Variants in LMBRD1 observed in about 807,000 individuals in gnomAD.
LMBRD1 encodes the protein LMBR1 domain containing 1.
LMBRD1 carries 64 observed loss-of-function variants against 74.8 expected under a neutral mutation model. That is an observed-to-expected ratio of 0.86 (90% CI 0.70 to 1.05). The LOEUF (loss-of-function observed/expected upper bound fraction) is 1.05. LMBRD1 is among the 50% of genes least tolerant of loss of function. LMBRD1 has a pLI of 0.00. For missense variants in LMBRD1, 652 were observed against 645.9 expected, an observed-to-expected ratio of 1.01 and a Z score of -0.10; for synonymous variants, 204 against 216.3, an observed-to-expected ratio of 0.94 and a Z score of 0.50.
At chr6:69,697,518 T>C (rs1766028695) in intron 14 of LMBRD1, 45 bp downstream of exon 14, 1 of 1,287,802 alleles carries the variant, frequency 7.8e-7, no homozygotes, top group African/African-American at 1.5e-5. Flanking sequence ...TGCCAGGAAA[T>C]TCTTTTCCTA....
chr6:69,752,260 G>A lies in LMBRD1; in HGVS notation c.404C>T (p.Thr135Ile), dbSNP rs1765173572. Reference protein sequence around the residue: ...EKDDDDTSKCTQIKTALKYTL... With the variant: ...EKDDDDTSKCIQIKTALKYTL... ...GGCCTCTAAAATAAAGATACTTACA[G>A]TACATTTACTAGTATCATCATCATC... Residue 135 changes from threonine to isoleucine, a missense_variant and splice_region_variant, in exon 4 of 16, where the codon ACT (threonine) becomes ATT (isoleucine). Transcript: ENST00000649934. 8.1e-6 allele frequency: 13 copies of A among 1,607,980 alleles called. No homozygotes were observed. The highest frequency in any genetic ancestry group is 1.1e-5 in the Non-Finnish European group (13 of 1,175,312).
At chr6:69,736,508 T>C (rs1766981363) in intron 7 of LMBRD1, among the ~76,000 whole-genome samples, 1 of 152,208 alleles carries the variant, frequency 6.6e-6, no homozygotes, top group Non-Finnish European at 1.5e-5. Context: ...TCTTCAGTTG[T>C]CATCCACAAA....
chr6:69,726,856 A>G (rs1766747827), intron 7 of LMBRD1, among the ~76,000 whole-genome samples: 1 of 152,134 alleles, frequency 6.6e-6, no homozygotes, highest in South Asian at 2.1e-4. Context: ...ATTTCGTTGT[A>G]CATTTTAAAA....
intron 9 of LMBRD1, among the ~76,000 whole-genome samples, chr6:69,707,078 T>C (rs1023873496): frequency 6.6e-6 from 1 of 152,220 alleles, no homozygotes; most frequent in Non-Finnish European, 1.5e-5. Flanking sequence ...CTTAAGGTTG[T>C]AGAGTTGGAG....
At chr6:69,783,285 T>C (rs1178486479) in intron 2 of LMBRD1, among the ~76,000 whole-genome samples, 1 of 152,238 alleles carries the variant, frequency 6.6e-6, no homozygotes. Flanking sequence ...CAAATGAATA[T>C]GTACATAATC....
intron 3 of LMBRD1, among the ~76,000 whole-genome samples, chr6:69,768,108 G>C (rs1480817039): frequency 6.6e-6 from 1 of 151,842 alleles, no homozygotes; most frequent in Non-Finnish European, 1.5e-5. Flanking sequence ...ACAACACGTT[G>C]ACGAATCTTC....
chr6:69,771,969 A>G (rs1765586102), intron 3 of LMBRD1, among the ~76,000 whole-genome samples: 1 of 152,192 alleles, frequency 6.6e-6, no homozygotes, highest in East Asian at 1.9e-4. Context: ...TCAAAATGTG[A>G]AAAAGTAAAG....
chr6:69,746,076 A>G (rs1426514358), intron 5 of LMBRD1: 1 of 208,206 alleles, frequency 4.8e-6, no homozygotes, highest in Admixed American at 4.4e-5. Context: ...ACCTGTCATC[A>G]TTGGAAATCC....
At chr6:69,705,281 AT>A in intron 9 of LMBRD1, 1 of 731,042 alleles carries the variant, frequency 1.4e-6, no homozygotes, top group Middle Eastern at 3.9e-4. Context: ...TGTTTAAACT[AT>A]TTTCTTAAAG....
intron 7 of LMBRD1, among the ~76,000 whole-genome samples, chr6:69,725,974 G>T (rs114187542): frequency 0.016 from 2,407 of 152,186 alleles, 50 homozygotes; most frequent in African/African-American, 0.054. Flanking sequence ...GAAAATATTT[G>T]CAAACTACCA....
intron 3 of LMBRD1, among the ~76,000 whole-genome samples, chr6:69,768,787 T>C (rs1452388568): frequency 6.6e-6 from 1 of 152,126 alleles, no homozygotes; most frequent in Non-Finnish European, 1.5e-5. Context: ...TCTCAGGTTT[T>C]ATCTTGGAAT....
intron 3 of LMBRD1, among the ~76,000 whole-genome samples, chr6:69,760,351 T>C (rs950089097): frequency 6.6e-6 from 1 of 152,052 alleles, no homozygotes; most frequent in Non-Finnish European, 1.5e-5. Flanking sequence ...AGTTCAGAAA[T>C]GTAAAACTAA....
At chr6:69,771,496 G>A (rs1765575861) in intron 3 of LMBRD1, among the ~76,000 whole-genome samples, 1 of 152,150 alleles carries the variant, frequency 6.6e-6, no homozygotes, top group Non-Finnish European at 1.5e-5. Context: ...CTCTTTGGCA[G>A]ACGCAAATCT....
chr6:69,793,715 AATCTTT>A (rs1215828776), intron 1 of LMBRD1, among the ~76,000 whole-genome samples: 6 of 130,678 alleles, frequency 4.6e-5, no homozygotes, highest in African/African-American at 1.0e-4. Flanking sequence ...TCATGTCCTG[AATCTTT>A]TTTTTTTTTT....
In LMBRD1 at chr6:69,774,948, T is replaced by TGGAAGGAAGGAAGGAA. The variant is rs1157907347; in HGVS notation, c.307+5530_307+5545dup. Among the ~76,000 whole-genome samples the TGGAAGGAAGGAAGGAA allele has an allele frequency of 4.6e-3, 178 of 38,864 alleles. 6 individuals carry two copies. Among genetic ancestry groups the TGGAAGGAAGGAAGGAA allele is most frequent in the Non-Finnish European group, 5.6e-3 (122 of 21,716 alleles). 25.5% of individuals were successfully genotyped at this position (38,864 alleles called of 152,430 possible). ...CACTCCTGCCCAAAATACAGTGAGA[T>TGGAAGGAAGGAAGGAA]GGAAGGAAGGAAGGAAGGAAGGAAG... On this transcript the variant is annotated intron_variant, in intron 3 of 15. Coordinates refer to ENST00000649934, the MANE Select transcript of LMBRD1 (RefSeq NM_018368.4).
rs758998487 is a variant in LMBRD1, at chr6:69,713,813, C to T, written c.763-16G>A. Reference sequence around the variant, plus strand: ...CATCTTTGCTCTGCAAATAACAGAACAAAATAAAAGTTTTACCATTAACAT... The same window carrying T: ...CATCTTTGCTCTGCAAATAACAGAATAAAATAAAAGTTTTACCATTAACAT... On this transcript the variant is annotated splice_polypyrimidine_tract_variant and intron_variant, in intron 8 of 15. Transcript: ENST00000649934. 1 of 1,612,874 alleles carries T rather than the reference C, an allele frequency of 6.2e-7. No individual in the cohort carries two copies. The highest frequency in any genetic ancestry group is 8.5e-7 in the Non-Finnish European group (1 of 1,179,270).
chr6:69,741,919 A>G, intron 5 of LMBRD1, 42 bp from the exon 6 acceptor site: 1 of 1,131,816 alleles, frequency 8.8e-7, no homozygotes, highest in Non-Finnish European at 1.3e-6. Flanking sequence ...TTTAAAGATA[A>G]AAAGTTAAAT....
intron 3 of LMBRD1, among the ~76,000 whole-genome samples, chr6:69,769,851 A>G (rs560006245): frequency 1.2e-4 from 19 of 152,168 alleles, no homozygotes; most frequent in South Asian, 2.1e-4. Flanking sequence ...ATAGCTTAAT[A>G]ATCAGACAAT....
chr6:69,754,117 C>T (rs971459402), intron 3 of LMBRD1, among the ~76,000 whole-genome samples: 8 of 150,464 alleles, frequency 5.3e-5, no homozygotes, highest in South Asian at 2.1e-4. Context: ...GAAAGTAGGA[C>T]GGTGGTTGTC....
Sources: allele counts gnomAD v4.1 joint callset (sites outside exome capture counted in the v4.1 genomes callset), GRCh38; gene constraint gnomAD v4.1.1; transcripts MANE v1.5; gene names NCBI Gene and HGNC (gene_info 2026-07-23, HGNC 2026-07-21).